Variants in WWOX observed in about 807,000 individuals in gnomAD.
WWOX encodes the protein WW domain-containing oxidoreductase.
WWOX carries 69 observed loss-of-function variants against 46.2 expected under a neutral mutation model. The observed-to-expected ratio is 1.49, with a 90% CI of 1.23 to 1.82. The LOEUF (loss-of-function observed/expected upper bound fraction) is 1.82. WWOX is among the 40% of genes most tolerant of loss of function. WWOX has a pLI of 0.00. For missense variants in WWOX, 919 were observed against 542.6 expected (o/e 1.69, Z -6.89); for synonymous variants, 359 against 202.6 (o/e 1.77, Z -6.56).
chr16:78,834,093 A>C (rs866227474), intron 8 of WWOX, among the ~76,000 whole-genome samples: 24 of 152,242 alleles, frequency 1.6e-4, no homozygotes, highest in Admixed American at 7.2e-4. Context: ...CCAGCTGTCG[A>C]ACGTCTGGAA....
At chr16:78,854,421 G>A (rs1230446159) in intron 8 of WWOX, among the ~76,000 whole-genome samples, 2 of 152,138 alleles carry the variant, frequency 1.3e-5, no homozygotes, top group Non-Finnish European at 2.9e-5. Flanking sequence ...GTGAGTTCAG[G>A]AGATGAAGAC....
Position 78,370,794 on chromosome 16 carries a change from G to C in WWOX, c.517-16066G>C, listed in dbSNP as rs1193468894. ...ACTTTTTTTCTTTTTTTTTTGGGGG[G>C]GGGGGGGCAATGCATTCTTAACCCC... is the stretch of plus-strand genomic sequence containing the variant. On this transcript the variant is annotated intron_variant, in intron 5 of 8. Coordinates refer to ENST00000566780, the MANE Select transcript of WWOX (RefSeq NM_016373.4). 2.0e-5 allele frequency among the ~76,000 whole-genome samples: 3 copies of C among 148,944 alleles called. 1 individual carries two copies. Among genetic ancestry groups the C allele is most frequent in the Admixed American group, 1.3e-4 (2 of 14,896 alleles).
intron 8 of WWOX, among the ~76,000 whole-genome samples, chr16:78,644,552 A>C (rs142008558): frequency 2.0e-5 from 3 of 151,842 alleles, no homozygotes; most frequent in Non-Finnish European, 4.4e-5. Flanking sequence ...ACCTCCGCCT[A>C]CCAGGTTCAA....
At chr16:78,932,823 G>T (rs533742193) in intron 8 of WWOX, among the ~76,000 whole-genome samples, 3 of 152,298 alleles carry the variant, frequency 2.0e-5, no homozygotes, top group Admixed American at 6.5e-5. Flanking sequence ...AAACAGACAA[G>T]GTGAGGAGCA....
chr16:78,400,228 G>A (rs557178974), intron 6 of WWOX, among the ~76,000 whole-genome samples: 3 of 152,266 alleles, frequency 2.0e-5, no homozygotes, highest in Non-Finnish European at 4.4e-5. Context: ...CCAAAAACAG[G>A]AGGAAAAGGT....
intron 8 of WWOX, among the ~76,000 whole-genome samples, chr16:78,827,144 A>G (rs924480747): frequency 1.3e-5 from 2 of 152,220 alleles, no homozygotes; most frequent in African/African-American, 4.8e-5. Flanking sequence ...GCTAAATCAA[A>G]TTTAGCTGTT....
intron 8 of WWOX, among the ~76,000 whole-genome samples, chr16:78,443,726 G>C (rs529068882): frequency 1.3e-5 from 2 of 152,262 alleles, no homozygotes; most frequent in South Asian, 4.2e-4. Context: ...CTTTTCTTCT[G>C]TGTGCCCGTT....
At chr16:79,011,675 T>C (rs2047312926) in intron 8 of WWOX, among the ~76,000 whole-genome samples, 1 of 151,728 alleles carries the variant, frequency 6.6e-6, no homozygotes, top group Non-Finnish European at 1.5e-5. Flanking sequence ...TTGCATTTTT[T>C]AGAGATGAGT....
chr16:78,751,378 C>G (rs921215796), intron 8 of WWOX, among the ~76,000 whole-genome samples: 2 of 148,106 alleles, frequency 1.4e-5, no homozygotes, highest in African/African-American at 5.0e-5. Flanking sequence ...TAGTAACACA[C>G]CTCTGTCCTG....
intron 8 of WWOX, among the ~76,000 whole-genome samples, chr16:78,986,188 T>C (rs1164762506): frequency 6.6e-6 from 1 of 152,232 alleles, no homozygotes; most frequent in African/African-American, 2.4e-5. Context: ...CACACATTTA[T>C]ATTTTTACAT....
chr16:78,215,657 G>A (rs2036695014), intron 5 of WWOX, among the ~76,000 whole-genome samples: 1 of 152,150 alleles, frequency 6.6e-6, no homozygotes, highest in South Asian at 2.1e-4. Flanking sequence ...GTTGGGCACG[G>A]TGGCTCATGC....
At chr16:78,866,682 G>A (rs1173213602) in intron 8 of WWOX, among the ~76,000 whole-genome samples, 2 of 152,190 alleles carry the variant, frequency 1.3e-5, no homozygotes, top group African/African-American at 4.8e-5. Context: ...TAGCCTGATT[G>A]TTCTAAGTAA....
intron 8 of WWOX, among the ~76,000 whole-genome samples, chr16:78,480,214 G>C (rs893451556): frequency 6.6e-5 from 10 of 152,240 alleles, no homozygotes; most frequent in Admixed American, 2.6e-4. Flanking sequence ...TCAGTAGCCA[G>C]ATGTGGTTAT....
At chr16:78,985,952 G>C (rs1006464828) in intron 8 of WWOX, among the ~76,000 whole-genome samples, 3 of 152,214 alleles carry the variant, frequency 2.0e-5, no homozygotes, top group Non-Finnish European at 4.4e-5. Context: ...TGCAGATGCT[G>C]TGTCAAAAGT....
chr16:78,777,773 C>T (rs754405948), intron 8 of WWOX, among the ~76,000 whole-genome samples: 1 of 152,106 alleles, frequency 6.6e-6, no homozygotes, highest in Non-Finnish European at 1.5e-5. Flanking sequence ...TCGACTGGGC[C>T]TGGTGGCTCA....
chr16:78,879,099 C>A (rs56904192), intron 8 of WWOX, among the ~76,000 whole-genome samples: 3 of 151,858 alleles, frequency 2.0e-5, no homozygotes, highest in African/African-American at 7.3e-5. Flanking sequence ...TTACTAGAAA[C>A]AAATTAACTT....
chr16:79,102,642 G>T (rs1367927698), intron 8 of WWOX, among the ~76,000 whole-genome samples: 2 of 151,932 alleles, frequency 1.3e-5, no homozygotes, highest in Admixed American at 6.5e-5. Flanking sequence ...CATATATACA[G>T]TGCCTACCTA....
intron 8 of WWOX, among the ~76,000 whole-genome samples, chr16:78,475,011 C>T (rs1297268461): frequency 6.6e-6 from 1 of 152,042 alleles, no homozygotes; most frequent in African/African-American, 2.4e-5. Context: ...ATCTTTGTAG[C>T]CACCAAGAGC....
chr16:78,653,108 A>AT (rs2047002307), intron 8 of WWOX, among the ~76,000 whole-genome samples: 1 of 152,176 alleles, frequency 6.6e-6, no homozygotes, highest in South Asian at 2.1e-4. Context: ...GAGTGATAGC[A>AT]TTTTTTTCAA....
Sources: allele counts gnomAD v4.1 joint callset (sites outside exome capture counted in the v4.1 genomes callset), GRCh38; gene constraint gnomAD v4.1.1; transcripts MANE v1.5; gene names NCBI Gene and HGNC (gene_info 2026-07-23, HGNC 2026-07-21).